Variants in SMYD3 observed in about 807,000 individuals in gnomAD.
The protein encoded by SMYD3 is SET and MYND domain containing 3, also known as histone-lysine N-methyltransferase SMYD3.
Under a neutral mutation model 57.7 loss-of-function variants are expected in SMYD3, and 36 were observed. That is an observed-to-expected ratio of 0.62 (90% CI 0.48 to 0.82). The LOEUF is 0.82. Ranked by LOEUF, SMYD3 falls within the 40% of genes least tolerant of loss-of-function variation. SMYD3 has a pLI of 0.00. For missense variants in SMYD3, 515 were observed against 538.8 expected (o/e 0.96, Z 0.44); for synonymous variants, 211 against 195.0 (o/e 1.08, Z -0.68).
chr1:246,242,461 T>C (rs1358717865), intron 5 of SMYD3, among the ~76,000 whole-genome samples: 1 of 152,218 alleles, frequency 6.6e-6, no homozygotes, highest in Non-Finnish European at 1.5e-5. Flanking sequence ...AGAGACAGTT[T>C]GTTATAATTT....
Position 246,102,191 on chromosome 1 carries a change from A to G in SMYD3, c.532-172254T>C, listed in dbSNP as rs111417949. 1.2e-4 allele frequency among the ~76,000 whole-genome samples: 18 copies of G among 151,812 alleles called. 1 individual carries two copies. Among genetic ancestry groups the G allele is most frequent in the African/African-American group, 4.1e-4 (17 of 41,392 alleles). On this transcript the variant is annotated intron_variant, in intron 5 of 11. Transcript: ENST00000490107. The stretch of plus-strand genomic sequence containing the variant: ...CAAGCTTGAACCTGTGTCACCTCGA[A>G]CTCCTTGCCTCTCTCCTACTTTCTG...
chr1:245,774,976 T>C (rs1290251381), intron 10 of SMYD3, among the ~76,000 whole-genome samples: 1 of 152,106 alleles, frequency 6.6e-6, no homozygotes, highest in Non-Finnish European at 1.5e-5. Flanking sequence ...GGTGCAGGGA[T>C]TGCAGACGGA....
intron 1 of SMYD3, among the ~76,000 whole-genome samples, chr1:246,485,088 A>G (rs2068165341): frequency 6.9e-6 from 1 of 144,550 alleles, no homozygotes; most frequent in Non-Finnish European, 1.5e-5. Flanking sequence ...CTGAAAACAC[A>G]TCGCCTCAAC....
intron 8 of SMYD3, among the ~76,000 whole-genome samples, chr1:245,864,744 C>T (rs1422471745): frequency 6.6e-6 from 1 of 151,434 alleles, no homozygotes. Flanking sequence ...TACACTTTAA[C>T]TGGGTGAATT....
At chr1:246,238,110 A>G (rs2063540470) in intron 5 of SMYD3, among the ~76,000 whole-genome samples, 1 of 152,034 alleles carries the variant, frequency 6.6e-6, no homozygotes, top group African/African-American at 2.4e-5. Context: ...GTTGACCAGG[A>G]TGAAGTGCAG....
intron 10 of SMYD3, among the ~76,000 whole-genome samples, chr1:245,793,085 T>G (rs56315243): frequency 0.78 from 113,869 of 145,118 alleles, 44,949 homozygotes; most frequent in Middle Eastern, 0.87. Flanking sequence ...CCGAGGCGGG[T>G]GATCACGAAA....
chr1:246,272,672 TAAATTTGGTTTGCTAGTATTCTGTTGAA>T (rs1440552302), intron 5 of SMYD3, among the ~76,000 whole-genome samples: 1 of 152,200 alleles, frequency 6.6e-6, no homozygotes, highest in African/African-American at 2.4e-5. Context: ...AATATGCTGC[TAAATTTGGTTTGCTAGTATTCTGTTGAA>T]AATTTTTACA....
chr1:246,481,743 A>G (rs918722350), intron 1 of SMYD3, among the ~76,000 whole-genome samples: 1 of 147,280 alleles, frequency 6.8e-6, no homozygotes, highest in African/African-American at 2.5e-5. Context: ...TATATATATG[A>G]TCATATATGA....
intron 1 of SMYD3, 151 bp downstream of exon 1, chr1:246,506,903 C>T: frequency 1.4e-6 from 1 of 721,214 alleles, no homozygotes; most frequent in Non-Finnish European, 2.0e-6. Flanking sequence ...GACCCGCCCC[C>T]GGGCACACGC....
At chr1:246,449,990 T>C (rs1485947023) in intron 1 of SMYD3, among the ~76,000 whole-genome samples, 1 of 152,104 alleles carries the variant, frequency 6.6e-6, no homozygotes, top group East Asian at 1.9e-4. Flanking sequence ...CTAGTTCATG[T>C]AAAATCTCAT....
intron 5 of SMYD3, among the ~76,000 whole-genome samples, chr1:246,208,737 C>G (rs1414734690): frequency 6.6e-6 from 1 of 152,158 alleles, no homozygotes; most frequent in African/African-American, 2.4e-5. Flanking sequence ...TCAGGTGTTA[C>G]AGGCACTTCC....
intron 5 of SMYD3, among the ~76,000 whole-genome samples, chr1:246,172,526 C>T (rs1245125137): frequency 7.0e-6 from 1 of 141,868 alleles, no homozygotes; most frequent in Non-Finnish European, 1.5e-5. Flanking sequence ...CTGTTCTCTA[C>T]TGTAGACTTT....
intron 5 of SMYD3, among the ~76,000 whole-genome samples, chr1:245,937,747 C>G (rs1233579100): frequency 1.3e-5 from 2 of 152,200 alleles, no homozygotes; most frequent in East Asian, 1.9e-4. Context: ...CTTAAAGATT[C>G]TTTTGTTCAG....
At chr1:246,408,805 A>G (rs926852644) in intron 1 of SMYD3, among the ~76,000 whole-genome samples, 1 of 151,246 alleles carries the variant, frequency 6.6e-6, no homozygotes, top group Non-Finnish European at 1.5e-5. Context: ...GAGTAGCTGG[A>G]ATTACAGGTG....
intron 8 of SMYD3, 90 bp from the exon 9 acceptor site, chr1:245,863,976 T>TG (rs1226811654): frequency 8.7e-7 from 1 of 1,152,124 alleles, no homozygotes; most frequent in Non-Finnish European, 1.3e-6. Context: ...ACAAATGGCC[T>TG]GCAAGCCCCT....
At chr1:246,348,493 C>G (rs1250346832) in intron 2 of SMYD3, among the ~76,000 whole-genome samples, 2 of 151,906 alleles carry the variant, frequency 1.3e-5, no homozygotes, top group East Asian at 3.9e-4. Flanking sequence ...AGCAAAGTAG[C>G]ACAGAAACAG....
intron 5 of SMYD3, among the ~76,000 whole-genome samples, chr1:245,953,823 A>T (rs1325926926): frequency 6.6e-6 from 1 of 152,240 alleles, no homozygotes; most frequent in Non-Finnish European, 1.5e-5. Context: ...TTCTTCAAAC[A>T]AACACAGGAC....
Position 246,107,236 on chromosome 1 carries a change from G to C in SMYD3, c.532-177299C>G, listed in dbSNP as rs564600388. Reference sequence around the variant, plus strand: ...TGGGAGGCGGAGCTTGCAGTGAGCCGAGATTGCGCCACTGCACTCCAGCCT... The same window carrying C: ...TGGGAGGCGGAGCTTGCAGTGAGCCCAGATTGCGCCACTGCACTCCAGCCT... On this transcript the variant is annotated intron_variant, in intron 5 of 11. Coordinates refer to ENST00000490107, the MANE Select transcript of SMYD3 (RefSeq NM_001167740.2). Among the ~76,000 whole-genome samples, 49 of 151,630 alleles carry C rather than the reference G, an allele frequency of 3.2e-4. 1 individual carries two copies. Among genetic ancestry groups the C allele is most frequent in the Admixed American group, 6.6e-4 (10 of 15,242 alleles).
At chr1:245,950,497 C>T (rs998578998) in intron 5 of SMYD3, among the ~76,000 whole-genome samples, 1 of 152,184 alleles carries the variant, frequency 6.6e-6, no homozygotes, top group Non-Finnish European at 1.5e-5. Context: ...CGTCTGACCA[C>T]CCCCTGTTCT....
Sources: allele counts gnomAD v4.1 joint callset (sites outside exome capture counted in the v4.1 genomes callset), GRCh38; gene constraint gnomAD v4.1.1; transcripts MANE v1.5; gene names NCBI Gene and HGNC (gene_info 2026-07-23, HGNC 2026-07-21).